The following LMBR1 variants were observed in gnomAD, a reference collection of about 807,000 sequenced individuals.
LMBR1 encodes limb region 1 protein homolog.
LMBR1 carries 52 observed loss-of-function variants against 73.9 expected under a neutral mutation model. The observed-to-expected ratio is 0.70, with a 90% CI of 0.56 to 0.89. LMBR1 has a LOEUF of 0.89. LMBR1 is among the 40% of genes least tolerant of loss of function. The probability of loss-of-function intolerance (pLI) is 0.00; values close to 1 mark genes in which losing one functional copy is unlikely to be tolerated. For synonymous variants in LMBR1, 215 were observed against 209.4 expected (o/e 1.03, Z -0.23); for missense variants, 539 against 579.8 (o/e 0.93, Z 0.72).
chr7:156,833,881 TA>T, intron 2 of LMBR1, 89 bp from the exon 3 acceptor site: 4 of 830,538 alleles, frequency 4.8e-6, no homozygotes, highest in Non-Finnish European at 7.6e-6. Flanking sequence ...AATATAAACT[TA>T]AAAGGCAATT....
chr7:156,693,365 C>T (rs1563146657), intron 15 of LMBR1, among the ~76,000 whole-genome samples: 1 of 151,680 alleles, frequency 6.6e-6, no homozygotes, highest in Non-Finnish European at 1.5e-5. Flanking sequence ...GAAAAATCAA[C>T]AAGAGTTGGA....
At chr7:156,854,986 A>C (rs1796740660) in intron 1 of LMBR1, among the ~76,000 whole-genome samples, 1 of 152,204 alleles carries the variant, frequency 6.6e-6, no homozygotes, top group East Asian at 1.9e-4. Flanking sequence ...GTAAAGGCCA[A>C]ATTACCTCAA....
intron 1 of LMBR1, among the ~76,000 whole-genome samples, chr7:156,883,781 C>A (rs1233091536): frequency 1.3e-5 from 2 of 152,160 alleles, no homozygotes; most frequent in Admixed American, 6.5e-5. Context: ...TCCAACTCTG[C>A]CTCTGTCATC....
At chr7:156,724,694 CAATT>C (rs1214789963) in intron 14 of LMBR1, among the ~76,000 whole-genome samples, 2 of 150,762 alleles carry the variant, frequency 1.3e-5, no homozygotes, top group Non-Finnish European at 3.0e-5. Context: ...TTGAAAATAT[CAATT>C]AATATTTATG....
intron 4 of LMBR1, among the ~76,000 whole-genome samples, chr7:156,818,696 AC>A (rs1228608248): frequency 6.6e-6 from 1 of 151,912 alleles, no homozygotes; most frequent in Non-Finnish European, 1.5e-5. Context: ...CATTTTTATC[AC>A]CCCCAAAAGG....
At chr7:156,795,745 G>C (rs1226749885) in intron 5 of LMBR1, among the ~76,000 whole-genome samples, 1 of 152,054 alleles carries the variant, frequency 6.6e-6, no homozygotes, top group Non-Finnish European at 1.5e-5. Context: ...TACAGACAGG[G>C]TCTCACTGTG....
chr7:156,715,472 CT>C (rs994478019), intron 15 of LMBR1, among the ~76,000 whole-genome samples: 138 of 152,032 alleles, frequency 9.1e-4, no homozygotes, highest in African/African-American at 3.2e-3. Flanking sequence ...ACTCTTTTTT[CT>C]TTTTTAATTG....
intron 1 of LMBR1, among the ~76,000 whole-genome samples, chr7:156,849,812 C>T (rs1200943499): frequency 1.3e-5 from 2 of 152,072 alleles, no homozygotes; most frequent in Non-Finnish European, 2.9e-5. Flanking sequence ...CCAGAGTGAA[C>T]ACTAATGTAA....
chr7:156,794,733 G>C (rs1272022967), intron 5 of LMBR1, among the ~76,000 whole-genome samples: 3 of 152,154 alleles, frequency 2.0e-5, no homozygotes, highest in Non-Finnish European at 4.4e-5. Context: ...AAGAGGTAGT[G>C]TCAGGAAGAG....
At chr7:156,875,763 G>A (rs1800065188) in intron 1 of LMBR1, among the ~76,000 whole-genome samples, 1 of 152,144 alleles carries the variant, frequency 6.6e-6, no homozygotes, top group Non-Finnish European at 1.5e-5. Context: ...ACAAACAAAT[G>A]CTGAGAGAAT....
At chr7:156,676,422 C>G (rs1415273784), downstream of LMBR1, 1 of 1,614,070 alleles carries the variant, frequency 6.2e-7, no homozygotes, top group South Asian at 1.1e-5. Context: ...GCCGCAGGCT[C>G]TGCGCCGGGA....
intron 1 of LMBR1, among the ~76,000 whole-genome samples, chr7:156,856,443 C>T (rs368630725): frequency 1.3e-5 from 2 of 151,904 alleles, no homozygotes; most frequent in East Asian, 1.9e-4. Context: ...GTGTCATGAA[C>T]GGTGGCTGGG....
chr7:156,703,988 G>A (rs1027446988), intron 15 of LMBR1, among the ~76,000 whole-genome samples: 1 of 152,060 alleles, frequency 6.6e-6, no homozygotes, highest in Admixed American at 6.5e-5. Flanking sequence ...CTAACACAAG[G>A]GCAAAGTGCT....
At chr7:156,692,237 C>T (rs768491795) in intron 15 of LMBR1, among the ~76,000 whole-genome samples, 9 of 152,062 alleles carry the variant, frequency 5.9e-5, no homozygotes, top group South Asian at 2.1e-4. Context: ...CCACCACGCC[C>T]GGCTAATTTT....
intron 3 of LMBR1, among the ~76,000 whole-genome samples, chr7:156,830,619 A>T (rs550839191): frequency 6.6e-6 from 1 of 152,350 alleles, no homozygotes; most frequent in African/African-American, 2.4e-5. Flanking sequence ...TTTTACATTC[A>T]TCTGTGAAAT....
At chr7:156,825,817 G>C (rs142235292) in intron 4 of LMBR1, among the ~76,000 whole-genome samples, 81 of 152,262 alleles carry the variant, frequency 5.3e-4, no homozygotes, top group African/African-American at 1.8e-3. Flanking sequence ...TCCCAACTAA[G>C]ACAACAGGAA....
chr7:156,810,939 T>A (rs112977844), intron 4 of LMBR1, among the ~76,000 whole-genome samples: 4,821 of 151,596 alleles, frequency 0.032, 124 homozygotes, highest in South Asian at 0.084. Context: ...GCCTCCCAAG[T>A]AGCTGAGTCT....
At chr7:156,699,947 G>A (rs1809265812) in intron 15 of LMBR1, among the ~76,000 whole-genome samples, 1 of 152,156 alleles carries the variant, frequency 6.6e-6, no homozygotes. Context: ...CTTTTATACT[G>A]TTGGTGGGAC....
At position 156,735,994 on chromosome 7, in the gene LMBR1, C is replaced by T. The variant is rs141152692; in HGVS notation, c.758-1737G>A. On this transcript the variant is annotated intron_variant, in intron 9 of 16. Coordinates refer to ENST00000353442, the MANE Select transcript of LMBR1 (RefSeq NM_022458.4). ...TAAAGAAAGTAGAGCAAATGGGTAG[C>T]GAAGAGGTCCAGGTGGCAGAACAGA... Among the ~76,000 whole-genome samples, 9 of 152,216 alleles carry T rather than the reference C, an allele frequency of 5.9e-5. No individual in the cohort carries two copies. The East Asian group carries it at 1.3e-3, about 23-fold the overall frequency.
Sources: allele counts gnomAD v4.1 joint callset (sites outside exome capture counted in the v4.1 genomes callset), GRCh38; gene constraint gnomAD v4.1.1; transcripts MANE v1.5; gene names NCBI Gene and HGNC (gene_info 2026-07-23, HGNC 2026-07-21).